NRG1: variants seen among roughly 807,000 people sequenced by gnomAD.
NRG1 encodes the protein pro-neuregulin-1, membrane-bound isoform.
A neutral mutation model predicts 63.8 loss-of-function variants in NRG1; 18 were observed. The observed-to-expected ratio is 0.28, with a 90% CI of 0.19 to 0.42. The LOEUF (loss-of-function observed/expected upper bound fraction) is 0.42, where lower values mean the gene tolerates loss of function less well. Among genes scored for constraint, NRG1 ranks in the 10% least tolerant of loss-of-function variants. The pLI is 1.00. For missense variants in NRG1, 762 were observed against 814.7 expected, an observed-to-expected ratio of 0.94 and a Z score of 0.79; for synonymous variants, 302 against 301.3, an observed-to-expected ratio of 1.00 and a Z score of -0.02.
chr8:32,526,515 C>A (rs192871205), intron 1 of NRG1, among the ~76,000 whole-genome samples: 9 of 152,138 alleles, frequency 5.9e-5, no homozygotes, highest in Admixed American at 6.5e-5. Context: ...TTATACAAGG[C>A]GTAAATACCA....
At chr8:32,177,300 G>A (rs1840885531) in intron 1 of NRG1, among the ~76,000 whole-genome samples, 1 of 149,470 alleles carries the variant, frequency 6.7e-6, no homozygotes, top group Non-Finnish European at 1.5e-5. Context: ...GACACGGGAA[G>A]GGGAACATCA....
At chr8:32,334,450 C>T (rs1803013349) in intron 1 of NRG1, among the ~76,000 whole-genome samples, 1 of 152,166 alleles carries the variant, frequency 6.6e-6, no homozygotes, top group Non-Finnish European at 1.5e-5. Flanking sequence ...ATTATCCAGA[C>T]ATTGACAAAA....
At chr8:32,631,447 A>G (rs1405694954) in intron 5 of NRG1, among the ~76,000 whole-genome samples, 1 of 152,170 alleles carries the variant, frequency 6.6e-6, no homozygotes, top group African/African-American at 2.4e-5. Flanking sequence ...CTTAGAGCCT[A>G]CTGCTGCTGG....
At chr8:32,748,704 C>T (rs571891079) in intron 7 of NRG1, 55 of 456,342 alleles carry the variant, frequency 1.2e-4, no homozygotes, top group African/African-American at 9.8e-4. Context: ...AGTGATTTCA[C>T]TGGCTCTCTG....
intron 6 of NRG1, among the ~76,000 whole-genome samples, chr8:32,738,421 T>G (rs977941366): frequency 2.0e-5 from 2 of 101,518 alleles, no homozygotes; most frequent in South Asian, 7.3e-4. Flanking sequence ...GAATGGTATA[T>G]ACATACACAC....
chr8:32,202,174 C>T (rs1843562130), intron 1 of NRG1, among the ~76,000 whole-genome samples: 1 of 151,996 alleles, frequency 6.6e-6, no homozygotes, highest in Non-Finnish European at 1.5e-5. Context: ...AGAATCTTTG[C>T]CTGTCTTTCC....
chr8:32,748,140 T>C (rs956995646), intron 7 of NRG1, among the ~76,000 whole-genome samples: 1 of 152,072 alleles, frequency 6.6e-6, no homozygotes, highest in Non-Finnish European at 1.5e-5. Flanking sequence ...CATGCCCAAA[T>C]GCAAGTTTTT....
intron 1 of NRG1, among the ~76,000 whole-genome samples, chr8:32,422,835 G>C (rs1214625755): frequency 1.2e-4 from 19 of 152,226 alleles, no homozygotes; most frequent in Admixed American, 1.2e-3. Flanking sequence ...TGATGTATCA[G>C]GGGACCTGGT....
intron 1 of NRG1, among the ~76,000 whole-genome samples, chr8:32,438,522 T>C (rs557813407): frequency 3.3e-4 from 51 of 152,286 alleles, no homozygotes; most frequent in African/African-American, 1.1e-3. Flanking sequence ...AAACATACAT[T>C]TTCATTTCTC....
At chr8:31,988,824 A>G (rs1311073203) in intron 1 of NRG1, among the ~76,000 whole-genome samples, 1 of 152,098 alleles carries the variant, frequency 6.6e-6, no homozygotes, top group Non-Finnish European at 1.5e-5. Context: ...CTTAGATCCT[A>G]TGCTTTTCCA....
chr8:32,366,433 T>A (rs1225239105), intron 1 of NRG1, among the ~76,000 whole-genome samples: 1 of 151,906 alleles, frequency 6.6e-6, no homozygotes, highest in African/African-American at 2.4e-5. Flanking sequence ...CATATATGAG[T>A]GAGAACATGC....
intron 1 of NRG1, among the ~76,000 whole-genome samples, chr8:31,899,484 T>G (rs1831887374): frequency 6.6e-6 from 1 of 152,184 alleles, no homozygotes; most frequent in Non-Finnish European, 1.5e-5. Flanking sequence ...CAAATTTTGT[T>G]AGGGTACAGG....
chr8:32,496,154 G>A, intron 1 of NRG1, among the ~76,000 whole-genome samples: 1 of 152,136 alleles, frequency 6.6e-6, no homozygotes, highest in Non-Finnish European at 1.5e-5. Context: ...CAGACACAAT[G>A]TCAAATTTCT....
intron 1 of NRG1, among the ~76,000 whole-genome samples, chr8:32,574,654 C>T (rs919351386): frequency 6.6e-6 from 1 of 152,164 alleles, no homozygotes. Flanking sequence ...TCCCCCACTA[C>T]TCCTTTGCCT....
At chr8:32,437,322 T>G (rs913745263) in intron 1 of NRG1, among the ~76,000 whole-genome samples, 1 of 152,042 alleles carries the variant, frequency 6.6e-6, no homozygotes, top group African/African-American at 2.4e-5. Flanking sequence ...TTGTTTGTTT[T>G]TGTTTGTTTG....
chr8:32,507,866 T>G (rs1477172767), intron 1 of NRG1, among the ~76,000 whole-genome samples: 1 of 151,950 alleles, frequency 6.6e-6, no homozygotes, highest in Non-Finnish European at 1.5e-5. Flanking sequence ...CCTGGCTAAT[T>G]TTTGTATTTT....
chr8:31,699,704 C>CTT (rs34131043), intron 1 of NRG1, among the ~76,000 whole-genome samples: 2 of 147,696 alleles, frequency 1.4e-5, no homozygotes, highest in African/African-American at 2.5e-5. Flanking sequence ...TTTTTCCTTC[C>CTT]TTTTTTTAAA....
At chr8:31,795,684 T>A (rs1821135217) in intron 1 of NRG1, among the ~76,000 whole-genome samples, 1 of 152,214 alleles carries the variant, frequency 6.6e-6, no homozygotes, top group South Asian at 2.1e-4. Flanking sequence ...TTTTTTTTGT[T>A]TGATATTACA....
At chr8:32,753,250 G>A (rs1829061676) in intron 7 of NRG1, among the ~76,000 whole-genome samples, 2 of 152,122 alleles carry the variant, frequency 1.3e-5, no homozygotes, top group Non-Finnish European at 2.9e-5. Flanking sequence ...TCCAATAAAT[G>A]TAATTAGACT....
Sources: allele counts gnomAD v4.1 joint callset (sites outside exome capture counted in the v4.1 genomes callset), GRCh38; gene constraint gnomAD v4.1.1; transcripts MANE v1.5; gene names NCBI Gene and HGNC (gene_info 2026-07-23, HGNC 2026-07-21).